PSMA3: variants seen among roughly 807,000 people sequenced by gnomAD.
PSMA3 encodes proteasome subunit alpha type-3.
PSMA3 carries 8 observed loss-of-function variants against 40.0 expected under a neutral mutation model. The observed-to-expected ratio is 0.20, with a 90% CI of 0.12 to 0.36. The LOEUF is 0.36. Among genes scored for constraint, PSMA3 ranks in the 10% least tolerant of loss-of-function variants. The pLI, the probability that PSMA3 is intolerant of heterozygous loss-of-function variation, is 1.00. For missense variants in PSMA3, 219 were observed against 310.6 expected (o/e 0.70, Z 2.22); for synonymous variants, 110 against 100.0 (o/e 1.10, Z -0.59).
chr14:58,270,331 C>T (rs1890578575), intron 8 of PSMA3, 87 bp from the exon 9 acceptor site: 2 of 1,534,626 alleles, frequency 1.3e-6, no homozygotes, highest in Non-Finnish European at 1.8e-6. Flanking sequence ...TATGGATGGA[C>T]ATTCTAATTT....
chr14:58,267,696 A>AT, intron 8 of PSMA3, 176 bp downstream of exon 8: 1 of 1,163,794 alleles, frequency 8.6e-7, no homozygotes, highest in Non-Finnish European at 1.1e-6. Context: ...TTTAAGCAAT[A>AT]TTTTTTAGTA....
At chr14:58,254,333 C>CATGTATATATATAT (rs1890090377) in intron 3 of PSMA3, among the ~76,000 whole-genome samples, 1 of 23,792 alleles carries the variant, frequency 4.2e-5, no homozygotes, top group Non-Finnish European at 8.3e-5. Context: ...ATTATGCATG[C>CATGTATATATATAT]ATATATATAT....
intron 2 of PSMA3, among the ~76,000 whole-genome samples, chr14:58,248,481 C>A (rs1008141545): frequency 1.3e-4 from 20 of 152,050 alleles, no homozygotes; most frequent in African/African-American, 4.6e-4. Context: ...CCGCTCACCT[C>A]GGACTCCCAG....
intron 5 of PSMA3, among the ~76,000 whole-genome samples, chr14:58,260,330 TCA>T (rs1890246213): frequency 6.6e-6 from 1 of 152,164 alleles, no homozygotes; most frequent in Non-Finnish European, 1.5e-5. Flanking sequence ...GACAAGAAAA[TCA>T]CAGTTGTTCA....
chr14:58,261,818 G>A (rs967189068), intron 6 of PSMA3, among the ~76,000 whole-genome samples: 3 of 152,112 alleles, frequency 2.0e-5, no homozygotes, highest in Admixed American at 6.5e-5. Flanking sequence ...GTCTTTCCAC[G>A]TTCCCAGGGC....
chr14:58,265,193 T>C lies in PSMA3; in HGVS notation c.543+1423T>C, dbSNP rs531484976. 4 of 152,108 alleles carry C rather than the reference T, an allele frequency of 2.6e-5. No homozygotes were observed. In the East Asian group the frequency reaches 5.8e-4, roughly 22 times the overall value. The allele number at this position is 152,108 out of a possible 1,614,324, so 9.4% of individuals were successfully genotyped here. ...GGACTGTTTGAGCCCCAGCCAGGAG[T>C]TGGGGGCTACAGTGAGCTATGATCA... On this transcript the variant is annotated intron_variant, in intron 7 of 10. Transcript: ENST00000216455.
chr14:58,260,282 T>C (rs547375814), intron 5 of PSMA3, among the ~76,000 whole-genome samples: 1 of 152,302 alleles, frequency 6.6e-6, no homozygotes, highest in Non-Finnish European at 1.5e-5. Context: ...CCTAACACAG[T>C]GTAAATAGCT....
At chr14:58,248,343 C>A (rs1391478838) in intron 2 of PSMA3, among the ~76,000 whole-genome samples, 3 of 152,116 alleles carry the variant, frequency 2.0e-5, no homozygotes, top group Non-Finnish European at 4.4e-5. Context: ...GATTCTCTTG[C>A]CTCAGCCTCC....
chr14:58,270,586 T>A, intron 9 of PSMA3, 101 bp downstream of exon 9: 1 of 1,556,124 alleles, frequency 6.4e-7, no homozygotes, highest in Middle Eastern at 1.8e-4. Flanking sequence ...TAAAGCAAAT[T>A]TACTAGGTTG....
intron 5 of PSMA3, among the ~76,000 whole-genome samples, chr14:58,258,748 T>C (rs1890204793): frequency 6.6e-6 from 1 of 150,924 alleles, no homozygotes; most frequent in African/African-American, 2.5e-5. Flanking sequence ...ACTAGATTTT[T>C]CTAAAATGAA....
chr14:58,262,972 A>G (rs1415573723), intron 6 of PSMA3, among the ~76,000 whole-genome samples: 4 of 147,878 alleles, frequency 2.7e-5, no homozygotes, highest in South Asian at 2.1e-4. Flanking sequence ...ACAGAAGTAT[A>G]TATGTGTACA....
rs543999865 is a variant in PSMA3 at position 58,253,840 on chromosome 14, C to T, written c.228+1598C>T. Among the ~76,000 whole-genome samples, 6 of 152,308 alleles carry T rather than the reference C, an allele frequency of 3.9e-5. No individual in the cohort carries two copies. In the South Asian group the frequency reaches 8.3e-4, roughly 21 times the overall value. ...GACTCCTGAACTCCAGTGATCTACC[C>T]GCCTTGGCCTCCCAAAGTGCTGGGA... On this transcript the variant is annotated intron_variant, in intron 3 of 10. Coordinates refer to ENST00000216455, the MANE Select transcript of PSMA3 (RefSeq NM_002788.4).
intron 9 of PSMA3, 64 bp downstream of exon 9, chr14:58,270,549 G>A (rs2140099311): frequency 1.2e-6 from 2 of 1,603,726 alleles, no homozygotes; most frequent in Non-Finnish European, 1.7e-6. Flanking sequence ...ATTTACAACT[G>A]AGTGTCCTTT....
chr14:58,258,679 G>C (rs1173178317), intron 5 of PSMA3, among the ~76,000 whole-genome samples: 1 of 151,922 alleles, frequency 6.6e-6, no homozygotes, highest in Admixed American at 6.6e-5. Context: ...AGATTCAGCT[G>C]CATAAAGACC....
intron 1 of PSMA3, among the ~76,000 whole-genome samples, chr14:58,247,076 A>G (rs1031768846): frequency 1.7e-4 from 26 of 152,126 alleles, no homozygotes; most frequent in Admixed American, 2.6e-4. Flanking sequence ...TTTCTACCCT[A>G]AGATCTTTGT....
intron 7 of PSMA3, among the ~76,000 whole-genome samples, chr14:58,264,316 C>T (rs1186873289): frequency 6.6e-6 from 1 of 152,170 alleles, no homozygotes; most frequent in Non-Finnish European, 1.5e-5. Flanking sequence ...CTGTGCTCCA[C>T]CGGTTCTCTT....
chr14:58,259,397 C>G (rs1018493585), intron 5 of PSMA3, among the ~76,000 whole-genome samples: 1 of 152,276 alleles, frequency 6.6e-6, no homozygotes, highest in South Asian at 2.1e-4. Context: ...TCACTGCAAC[C>G]TCTGCCTCCC....
chr14:58,262,382 T>C (rs1890307527), intron 6 of PSMA3, among the ~76,000 whole-genome samples: 1 of 152,116 alleles, frequency 6.6e-6, no homozygotes, highest in East Asian at 1.9e-4. Context: ...ATTTTTGTAT[T>C]TTCAGTAGAG....
intron 2 of PSMA3, among the ~76,000 whole-genome samples, chr14:58,251,096 A>G (rs1469269269): frequency 6.6e-6 from 1 of 152,182 alleles, no homozygotes; most frequent in African/African-American, 2.4e-5. Flanking sequence ...CCATTTCTTT[A>G]AAATTAAAAA....
Sources: gnomAD v4.1 joint callset for allele counts (sites outside exome capture counted in the v4.1 genomes callset) on GRCh38, gnomAD v4.1.1 for gene constraint, MANE v1.5 for transcripts, NCBI Gene and HGNC (gene_info 2026-07-23, HGNC 2026-07-21) for gene names.